The following FBXL7 variants were observed in gnomAD, a reference collection of about 807,000 sequenced individuals.
FBXL7 encodes the protein F-box and leucine rich repeat protein 7.
Under a neutral mutation model 38.3 loss-of-function variants are expected in FBXL7, and 12 were observed. That is an observed-to-expected ratio of 0.31 (90% CI 0.20 to 0.51). FBXL7 has a LOEUF of 0.51. Ranked by LOEUF, FBXL7 falls within the 20% of genes least tolerant of loss-of-function variation. The pLI, the probability that FBXL7 is intolerant of heterozygous loss-of-function variation, is 0.98. For missense variants in FBXL7, 567 were observed against 676.4 expected (o/e 0.84, Z 1.79); for synonymous variants, 297 against 300.9 (o/e 0.99, Z 0.13).
At chr5:15,541,228 C>G (rs571552721) in intron 1 of FBXL7, among the ~76,000 whole-genome samples, 1 of 151,440 alleles carries the variant, frequency 6.6e-6, no homozygotes, top group African/African-American at 2.4e-5. Context: ...CACAAGTATC[C>G]CATCCAGTAC....
At chr5:15,797,469 G>A (rs977376819) in intron 2 of FBXL7, among the ~76,000 whole-genome samples, 9 of 152,194 alleles carry the variant, frequency 5.9e-5, no homozygotes, top group Admixed American at 5.9e-4. Flanking sequence ...AGACCAGTTA[G>A]CAATAGGATC....
intron 2 of FBXL7, among the ~76,000 whole-genome samples, chr5:15,823,229 T>C (rs982281653): frequency 7.2e-5 from 11 of 152,200 alleles, no homozygotes; most frequent in African/African-American, 2.7e-4. Context: ...ACATGTACAT[T>C]ATAACCAGAC....
intron 2 of FBXL7, among the ~76,000 whole-genome samples, chr5:15,654,865 A>T (rs531175230): frequency 6.6e-6 from 1 of 152,234 alleles, no homozygotes; most frequent in African/African-American, 2.4e-5. Flanking sequence ...TTATATATAC[A>T]TGTGGGTTCT....
chr5:15,503,757 A>T (rs1361072906), intron 1 of FBXL7, among the ~76,000 whole-genome samples: 3 of 152,226 alleles, frequency 2.0e-5, no homozygotes, highest in Non-Finnish European at 4.4e-5. Context: ...TTTAATAGAT[A>T]GCTCGACTAT....
intron 3 of FBXL7, among the ~76,000 whole-genome samples, chr5:15,932,305 G>T (rs1273781054): frequency 6.6e-6 from 1 of 152,180 alleles, no homozygotes; most frequent in East Asian, 1.9e-4. Flanking sequence ...AGCTGTCATT[G>T]TCGTTGTATT....
At chr5:15,594,889 C>T (rs1459393079) in intron 1 of FBXL7, among the ~76,000 whole-genome samples, 1 of 152,220 alleles carries the variant, frequency 6.6e-6, no homozygotes, top group Non-Finnish European at 1.5e-5. Context: ...CTAAGTTTAG[C>T]TGCCTTGCTA....
intron 2 of FBXL7, among the ~76,000 whole-genome samples, chr5:15,666,754 C>A (rs1398336294): frequency 6.6e-6 from 1 of 152,164 alleles, no homozygotes; most frequent in Admixed American, 6.5e-5. Flanking sequence ...TTTCTTTATT[C>A]ACTTTTGGAT....
At chr5:15,709,213 T>A (rs574639935) in intron 2 of FBXL7, among the ~76,000 whole-genome samples, 4 of 152,172 alleles carry the variant, frequency 2.6e-5, no homozygotes, top group Admixed American at 1.3e-4. Flanking sequence ...AGTTGAGAAG[T>A]TAAGATATTA....
chr5:15,686,661 C>A (rs1280801848), intron 2 of FBXL7, among the ~76,000 whole-genome samples: 1 of 152,046 alleles, frequency 6.6e-6, no homozygotes, highest in Non-Finnish European at 1.5e-5. Context: ...AGAAAGAAAC[C>A]TCAATTTATA....
At chr5:15,654,046 G>T (rs1166037546) in intron 2 of FBXL7, among the ~76,000 whole-genome samples, 1 of 152,104 alleles carries the variant, frequency 6.6e-6, no homozygotes, top group East Asian at 1.9e-4. Context: ...TGGAAATAAG[G>T]TTTACAGTCA....
chr5:15,649,352 T>A (rs1030023398), intron 2 of FBXL7, among the ~76,000 whole-genome samples: 12 of 152,228 alleles, frequency 7.9e-5, no homozygotes, highest in African/African-American at 2.7e-4. Context: ...AAATCTAATA[T>A]GCCTTCCTTA....
chr5:15,502,987 A>G (rs145232102), intron 1 of FBXL7, among the ~76,000 whole-genome samples: 2 of 152,338 alleles, frequency 1.3e-5, no homozygotes, highest in African/African-American at 2.4e-5. Flanking sequence ...GTGCATAACA[A>G]TAAAATACAG....
chr5:15,913,437 C>T (rs1287536854), intron 2 of FBXL7, among the ~76,000 whole-genome samples: 2 of 152,084 alleles, frequency 1.3e-5, no homozygotes, highest in Non-Finnish European at 2.9e-5. Flanking sequence ...GTTCTAATTA[C>T]TTATTGATCT....
intron 1 of FBXL7, among the ~76,000 whole-genome samples, chr5:15,560,101 C>T (rs1050829540): frequency 6.6e-6 from 1 of 152,120 alleles, no homozygotes; most frequent in Admixed American, 6.5e-5. Context: ...TGTTTTTACT[C>T]AGTAATACTT....
intron 1 of FBXL7, among the ~76,000 whole-genome samples, chr5:15,541,672 G>C (rs1461697254): frequency 1.3e-5 from 2 of 149,632 alleles, no homozygotes; most frequent in Admixed American, 1.3e-4. Context: ...AGCCTCCCAA[G>C]TAGCTGGGAT....
intron 2 of FBXL7, among the ~76,000 whole-genome samples, chr5:15,847,833 A>G (rs954132457): frequency 2.6e-5 from 4 of 152,112 alleles, no homozygotes; most frequent in African/African-American, 9.7e-5. Flanking sequence ...AGGTTATGGG[A>G]GCCTCTTGGA....
At chr5:15,880,776 G>A (rs954832298) in intron 2 of FBXL7, among the ~76,000 whole-genome samples, 2 of 147,418 alleles carry the variant, frequency 1.4e-5, no homozygotes, top group African/African-American at 5.0e-5. Context: ...TTCAATTCCT[G>A]TAAGCCAAGG....
At chr5:15,593,859 A>C (rs1444279945) in intron 1 of FBXL7, among the ~76,000 whole-genome samples, 2 of 152,188 alleles carry the variant, frequency 1.3e-5, no homozygotes, top group Non-Finnish European at 2.9e-5. Context: ...CGTCTTGGGC[A>C]CTATCCAATG....
chr5:15,708,627 G>T (rs1432269504), intron 2 of FBXL7, among the ~76,000 whole-genome samples: 1 of 152,124 alleles, frequency 6.6e-6, no homozygotes, highest in Admixed American at 6.5e-5. Flanking sequence ...TTAACCATTT[G>T]TAAATCTCTG....
Sources: allele counts gnomAD v4.1 joint callset (sites outside exome capture counted in the v4.1 genomes callset), GRCh38; gene constraint gnomAD v4.1.1; transcripts MANE v1.5; gene names NCBI Gene and HGNC (gene_info 2026-07-23, HGNC 2026-07-21).